Variants in FGGY observed in about 807,000 individuals in gnomAD.
FGGY encodes FGGY carbohydrate kinase domain containing.
FGGY carries 72 observed loss-of-function variants against 71.3 expected under a neutral mutation model. The observed-to-expected ratio is 1.01, with a 90% CI of 0.84 to 1.23. The LOEUF (loss-of-function observed/expected upper bound fraction) is 1.23, where lower values mean the gene tolerates loss of function less well. Ranked by LOEUF, FGGY falls within the 50% of genes most tolerant of loss-of-function variation. The probability of loss-of-function intolerance (pLI) is 0.00; values close to 1 mark genes in which losing one functional copy is unlikely to be tolerated. For synonymous variants in FGGY, 251 were observed against 250.3 expected, an observed-to-expected ratio of 1.00 and a Z score of -0.02; for missense variants, 668 against 682.3, an observed-to-expected ratio of 0.98 and a Z score of 0.23.
intron 11 of FGGY, among the ~76,000 whole-genome samples, chr1:59,647,273 A>G (rs760740912): frequency 1.3e-4 from 20 of 152,238 alleles, no homozygotes; most frequent in Non-Finnish European, 2.4e-4. Context: ...GAGAAACAGT[A>G]TATGAGCATA....
intron 8 of FGGY, among the ~76,000 whole-genome samples, chr1:59,603,458 G>A (rs936896759): frequency 3.3e-5 from 5 of 152,146 alleles, no homozygotes; most frequent in African/African-American, 1.2e-4. Context: ...CATCATACAA[G>A]CCTCATTTCA....
At chr1:59,563,878 A>G (rs2095834542) in intron 8 of FGGY, among the ~76,000 whole-genome samples, 1 of 152,224 alleles carries the variant, frequency 6.6e-6, no homozygotes, top group African/African-American at 2.4e-5. Context: ...GGCCTCAGAA[A>G]TAACACCACA....
Position 59,645,398 on chromosome 1 carries a change from G to A in FGGY, c.1221+7023G>A, listed in dbSNP as rs150803831. Among the ~76,000 whole-genome samples the A allele has an allele frequency of 1.2e-4, 18 of 152,256 alleles. 1 individual carries two copies. The highest frequency in any genetic ancestry group is 3.6e-4 in the African/African-American group (15 of 41,548). ...GCTTTTGAACCCTGAGCAGCCAGCC[G>A]TGGGCCTCCCACTTTAGCCCCAGAA... On this transcript the variant is annotated intron_variant, in intron 11 of 15. Coordinates refer to ENST00000303721, the MANE Select transcript of FGGY (RefSeq NM_018291.5).
At chr1:59,696,061 A>G (rs1197413936) in intron 14 of FGGY, among the ~76,000 whole-genome samples, 3 of 152,220 alleles carry the variant, frequency 2.0e-5, no homozygotes, top group African/African-American at 4.8e-5. Flanking sequence ...TTTCTAGAAC[A>G]TATTCCTTCT....
At chr1:59,706,132 C>T (rs1331514584) in intron 14 of FGGY, among the ~76,000 whole-genome samples, 1 of 152,206 alleles carries the variant, frequency 6.6e-6, no homozygotes, top group Non-Finnish European at 1.5e-5. Flanking sequence ...ATCGTAAACT[C>T]ACTGAGCCTC....
chr1:59,407,582 T>C (rs756334328), intron 5 of FGGY, among the ~76,000 whole-genome samples: 76 of 152,302 alleles, frequency 5.0e-4, no homozygotes, highest in Non-Finnish European at 8.2e-4. Flanking sequence ...CTGATAGTTA[T>C]CCTGACCAGG....
intron 8 of FGGY, among the ~76,000 whole-genome samples, chr1:59,587,078 GT>G (rs1473687798): frequency 1.3e-5 from 2 of 152,228 alleles, no homozygotes; most frequent in Non-Finnish European, 2.9e-5. Context: ...GGAAAATCGG[GT>G]CACTCCCGCC....
intron 14 of FGGY, among the ~76,000 whole-genome samples, chr1:59,709,082 G>A (rs7542197): frequency 0.48 from 73,250 of 151,624 alleles, 18,751 homozygotes; most frequent in Middle Eastern, 0.64. Context: ...ACACACGCGC[G>A]CGCGCATACA....
intron 5 of FGGY, among the ~76,000 whole-genome samples, chr1:59,408,834 A>G (rs186042835): frequency 1.8e-4 from 28 of 152,256 alleles, no homozygotes; most frequent in African/African-American, 6.5e-4. Flanking sequence ...CCAGAGGCCC[A>G]ACCACTTTGA....
At chr1:59,485,320 G>C (rs1284315030) in intron 6 of FGGY, among the ~76,000 whole-genome samples, 1 of 152,112 alleles carries the variant, frequency 6.6e-6, no homozygotes, top group Non-Finnish European at 1.5e-5. Flanking sequence ...TCTAAGTTTT[G>C]GCCAATGAGG....
chr1:59,459,044 A>T (rs2153516755), intron 6 of FGGY, among the ~76,000 whole-genome samples: 1 of 152,286 alleles, frequency 6.6e-6, no homozygotes, highest in African/African-American at 2.4e-5. Context: ...AGCAGATTTG[A>T]GCATTGAGCG....
chr1:59,411,788 T>A (rs34096017), intron 5 of FGGY, among the ~76,000 whole-genome samples: 6,740 of 152,274 alleles, frequency 0.044, 214 homozygotes, highest in Non-Finnish European at 0.07. Context: ...GGGGATCCCT[T>A]CAAATTAGCT....
intron 5 of FGGY, among the ~76,000 whole-genome samples, chr1:59,428,885 TCC>T (rs2066851066): frequency 6.6e-6 from 1 of 152,196 alleles, no homozygotes; most frequent in Admixed American, 6.5e-5. Context: ...GGCGTGAGGA[TCC>T]CTCTCACTTA....
intron 12 of FGGY, among the ~76,000 whole-genome samples, chr1:59,664,701 C>T (rs150780361): frequency 1.3e-5 from 2 of 152,286 alleles, no homozygotes; most frequent in African/African-American, 4.8e-5. Flanking sequence ...TATTAAAGTG[C>T]ATAGCAGAGT....
At chr1:59,560,694 G>T (rs576541265) in intron 8 of FGGY, among the ~76,000 whole-genome samples, 1 of 152,102 alleles carries the variant, frequency 6.6e-6, no homozygotes, top group East Asian at 1.9e-4. Flanking sequence ...TGTCATGCCT[G>T]CCTTCAAAGA....
At chr1:59,483,472 A>C (rs1447160378) in intron 6 of FGGY, among the ~76,000 whole-genome samples, 1 of 152,172 alleles carries the variant, frequency 6.6e-6, no homozygotes. Flanking sequence ...TATGAGAATA[A>C]AATACTTCTC....
At chr1:59,518,949 A>G (rs1246961384) in intron 7 of FGGY, among the ~76,000 whole-genome samples, 1 of 152,264 alleles carries the variant, frequency 6.6e-6, no homozygotes, top group Non-Finnish European at 1.5e-5. Flanking sequence ...TAGTGAAGTT[A>G]GGACAGGTAT....
intron 2 of FGGY, among the ~76,000 whole-genome samples, chr1:59,325,257 T>C (rs894224476): frequency 1.3e-5 from 2 of 152,028 alleles, no homozygotes; most frequent in African/African-American, 4.8e-5. Flanking sequence ...CTTGGGAGGC[T>C]GAGGCAGGAG....
chr1:59,334,849 GA>G (rs2049166351), intron 2 of FGGY, among the ~76,000 whole-genome samples: 5 of 152,014 alleles, frequency 3.3e-5, no homozygotes, highest in Admixed American at 3.3e-4. Context: ...GGAAACCATA[GA>G]AACAAAAATA....
Sources: gnomAD v4.1 joint callset for allele counts (sites outside exome capture counted in the v4.1 genomes callset) on GRCh38, gnomAD v4.1.1 for gene constraint, MANE v1.5 for transcripts, NCBI Gene and HGNC (gene_info 2026-07-23, HGNC 2026-07-21) for gene names.